The following ZBTB11 variants were observed in gnomAD, a reference collection of about 807,000 sequenced individuals.
The protein encoded by ZBTB11 is zinc finger and BTB domain-containing protein 11.
Under a neutral mutation model 113.1 loss-of-function variants are expected in ZBTB11, and 68 were observed. That is an observed-to-expected ratio of 0.60 (90% confidence interval 0.49 to 0.74). The LOEUF (loss-of-function observed/expected upper bound fraction) is 0.74, where lower values mean the gene tolerates loss of function less well. ZBTB11 is among the 30% of genes least tolerant of loss of function. The pLI, the probability that ZBTB11 is intolerant of heterozygous loss-of-function variation, is 0.00. For missense variants in ZBTB11, 1,104 were observed against 1,279.4 expected, an observed-to-expected ratio of 0.86 and a Z score of 2.09; for synonymous variants, 518 against 452.6, an observed-to-expected ratio of 1.14 and a Z score of -1.83.
At position 101,649,191 on chromosome 3, in the gene ZBTB11, T is replaced by C. The variant is rs1213409657; in HGVS notation, c.*1975A>G. On this transcript the variant is annotated 3_prime_UTR_variant, in exon 11 of 11. Coordinates refer to ENST00000312938, the MANE Select transcript of ZBTB11 (RefSeq NM_014415.4). ...CAACATTTGGGCATGAAAACAGGAA[T>C]GCCTGTTCCCATTTAGGGCCATGGG... is the stretch of plus-strand genomic sequence containing the variant. The C allele has an allele frequency of 5.3e-5, 8 of 152,236 alleles. No homozygotes were observed. Among genetic ancestry groups the C allele is most frequent in the Non-Finnish European group, 1.2e-4 (8 of 68,060 alleles). The allele number at this position is 152,236 out of a possible 1,614,324, so 9.4% of individuals were successfully genotyped here. A position where few individuals can be genotyped will look rare whatever the true frequency, so the allele number is the denominator to read the frequency against.
intron 10 of ZBTB11, among the ~76,000 whole-genome samples, 192 bp from the exon 11 acceptor site, chr3:101,651,875 T>G (rs1199614951): frequency 6.6e-6 from 1 of 152,216 alleles, no homozygotes; most frequent in Non-Finnish European, 1.5e-5. Flanking sequence ...GGCTCACACC[T>G]GTAATCCCAG....
In ZBTB11 at chr3:101,664,684, T is replaced by C. The variant is rs757892018; in HGVS notation, c.1654A>G (p.Lys552Glu). ...GCATCTCTTTTTGGCTGTTTCATCT[T>C]TTTTCCTCTTTGAACTAACTTCTGA... ...VAQKLVQRGK[K>E]MKQPKRDAKE... Residue 552 changes from lysine (K) to glutamate (E), a missense_variant, in exon 5 of 11, where the codon AAG becomes GAG. This residue lies in a region of ZBTB11 where 535 missense variants were observed against 518.6 expected (regional missense o/e 1.03). Transcript: ENST00000312938. 1 of 1,609,924 alleles carries C rather than the reference T, an allele frequency of 6.2e-7. No homozygotes were observed. Among genetic ancestry groups the C allele is most frequent in the Non-Finnish European group, 8.5e-7 (1 of 1,178,946 alleles).
chr3:101,669,041 T>C (rs1035174985), intron 3 of ZBTB11, among the ~76,000 whole-genome samples: 5 of 152,012 alleles, frequency 3.3e-5, no homozygotes, highest in African/African-American at 4.8e-5. Flanking sequence ...TAAAATTTTT[T>C]TTTGTGGCTA....
In ZBTB11 at chr3:101,659,898, T is replaced by A. The variant is rs1230709301; in HGVS notation, c.1931A>T (p.Lys644Met). The A allele has an allele frequency of 6.2e-7, 1 of 1,614,120 alleles. No homozygotes were observed. The highest frequency in any genetic ancestry group is 1.3e-5 in the African/African-American group (1 of 74,950). The change falls in exon 6 of 11, where the codon AAG (lysine) becomes ATG (methionine). Residue 644 changes from lysine (K) to methionine (M), a missense_variant. Transcript: ENST00000312938. ...SNEASGTSSE[K>M]GRTKREFICS... is the part of the protein sequence containing the mutation. Reference sequence around the variant, plus strand: ...TATAAATTCCCGCTTGGTTCTGCCCTTCTCAGATGATGTTCCCGATGCTTC... The same window carrying A: ...TATAAATTCCCGCTTGGTTCTGCCCATCTCAGATGATGTTCCCGATGCTTC...
chr3:101,659,629 A>G (rs1432357877), intron 6 of ZBTB11, among the ~76,000 whole-genome samples, 154 bp downstream of exon 6: 1 of 152,240 alleles, frequency 6.6e-6, no homozygotes, highest in African/African-American at 2.4e-5. Context: ...CACCATAGGG[A>G]ATCACCTTTG....
At chr3:101,659,761 A>G (rs764552471) in intron 6 of ZBTB11, 22 bp downstream of exon 6, 3 of 1,611,236 alleles carry the variant, frequency 1.9e-6, no homozygotes, top group Non-Finnish European at 2.5e-6. Context: ...TTTAAATAGC[A>G]AAATAAACGT....
At position 101,652,680 on chromosome 3, in the gene ZBTB11, G is replaced by C. The variant is rs775663952; in HGVS notation, c.2469-9C>G. On this transcript the variant is annotated splice_polypyrimidine_tract_variant and intron_variant, in intron 9 of 10. Transcript: ENST00000312938. ...TGCCACATATATTACACCTAAAATA[G>C]GGGAAAAGACCCAATTATTTTGTCC... The C allele has an allele frequency of 1.9e-6, 3 of 1,612,802 alleles. No individual in the cohort carries two copies. Among genetic ancestry groups the C allele is most frequent in the East Asian group, 4.5e-5 (2 of 44,860 alleles).
At position 101,651,240 on chromosome 3, in the gene ZBTB11, G is replaced by A; in HGVS notation, c.3088C>T (p.Gln1030Ter). ...VNYVLAQQQG[Q>*]KLSEVAEAIQ... ...GCTTCTGCAACTTCAGATAGCTTCT[G>A]TCCTTGCTGTTGTGCTAATACATAA... Residue 1030 changes from glutamine to a stop codon, truncating the protein, a stop_gained, in exon 11 of 11, where the codon CAG becomes TAG. Coordinates refer to ENST00000312938, the MANE Select transcript of ZBTB11 (RefSeq NM_014415.4). LOFTEE classifies it high-confidence loss of function. 1 of 1,613,756 alleles carries A rather than the reference G, an allele frequency of 6.2e-7. No homozygotes were observed. Among genetic ancestry groups the A allele is most frequent in the Non-Finnish European group, 8.5e-7 (1 of 1,179,922 alleles).
Position 101,665,500 on chromosome 3 carries a change from T to G in ZBTB11, c.1087A>C (p.Ile363Leu). 3 of 1,614,188 alleles carry G rather than the reference T, an allele frequency of 1.9e-6. No individual in the cohort carries two copies. Among genetic ancestry groups the G allele is most frequent in the Non-Finnish European group, 2.5e-6 (3 of 1,180,038 alleles). ...SLPTELGDCE[I>L]VLLVNGELPE... ...AATTCTCCATTTACCAGTAGTACAA[T>G]TTCACAATCCCCAAGTTCAGTAGGT... Residue 363 changes from isoleucine (I) to leucine (L), a missense_variant, in exon 4 of 11, where the codon ATT becomes CTT. Physicochemically the swap from Ile to Leu is conservative, Grantham distance 5. Around this residue, in one of 5 missense-constraint regions of ZBTB11, gnomAD observed 535 missense variants for 518.6 expected, o/e 1.03. Coordinates refer to ENST00000312938, the MANE Select transcript of ZBTB11 (RefSeq NM_014415.4).
intron 1 of ZBTB11, among the ~76,000 whole-genome samples, chr3:101,672,773 C>T (rs1331970467): frequency 2.0e-5 from 3 of 152,190 alleles, no homozygotes; most frequent in South Asian, 4.1e-4. Flanking sequence ...ACTTCTCCAC[C>T]CCAGTGACAT....
intron 1 of ZBTB11, among the ~76,000 whole-genome samples, chr3:101,673,098 T>C (rs1313705747): frequency 6.6e-6 from 1 of 152,248 alleles, no homozygotes; most frequent in Non-Finnish European, 1.5e-5. Context: ...AAGTTGATTA[T>C]ATACAAGCCA....
intron 8 of ZBTB11, among the ~76,000 whole-genome samples, chr3:101,653,246 T>C (rs184185646): frequency 2.6e-4 from 40 of 152,310 alleles, no homozygotes; most frequent in Admixed American, 1.4e-3. Flanking sequence ...TCTTAGTCCA[T>C]GTGTTGAGGG....
In ZBTB11 at chr3:101,671,938, T is replaced by A. The variant is rs755181830; in HGVS notation, c.546+40A>T. 9.4e-6 allele frequency: 14 copies of A among 1,488,110 alleles called. No individual in the cohort carries two copies. In the Middle Eastern group the frequency reaches 2.4e-3, roughly 255 times the overall value. The allele number at this position is 1,488,110 out of a possible 1,614,324, so 92.2% of individuals were successfully genotyped here. A position where few individuals can be genotyped will look rare whatever the true frequency, so the allele number is the denominator to read the frequency against. The stretch of plus-strand genomic sequence containing the variant: ...ACCAAGGCTGCAAATACTAGTACAC[T>A]AGTTACAAATCTTAAAGCTGACTGG... On this transcript the variant is annotated intron_variant, in intron 2 of 10. Coordinates refer to ENST00000312938, the MANE Select transcript of ZBTB11 (RefSeq NM_014415.4).
chr3:101,656,037 G>A, intron 7 of ZBTB11, 67 bp downstream of exon 7: 1 of 1,158,008 alleles, frequency 8.6e-7, no homozygotes. Context: ...ATAATTTCTG[G>A]TATAATTAAA....
At chr3:101,658,101 T>C (rs1040318992) in intron 6 of ZBTB11, among the ~76,000 whole-genome samples, 4 of 152,000 alleles carry the variant, frequency 2.6e-5, no homozygotes, top group Admixed American at 2.0e-4. Context: ...CATAAATCAA[T>C]GAGCAGATAA....
intron 2 of ZBTB11, 26 bp downstream of exon 2, chr3:101,671,952 A>G (rs185600766): frequency 4.4e-6 from 7 of 1,574,598 alleles, no homozygotes; most frequent in Admixed American, 3.3e-5. Context: ...TACAAATCTT[A>G]AAGCTGACTG....
intron 3 of ZBTB11, among the ~76,000 whole-genome samples, chr3:101,667,150 C>T (rs1937010537): frequency 1.3e-5 from 2 of 152,180 alleles, no homozygotes; most frequent in African/African-American, 4.8e-5. Context: ...ACCTCCCAGG[C>T]TCAAGCAGTC....
intron 3 of ZBTB11, among the ~76,000 whole-genome samples, chr3:101,666,024 A>G (rs890280365): frequency 6.7e-6 from 1 of 148,926 alleles, no homozygotes; most frequent in African/African-American, 2.6e-5. Context: ...AAATAGTATC[A>G]GACTTACTAC....
At chr3:101,663,977 T>C (rs1428359549) in intron 5 of ZBTB11, among the ~76,000 whole-genome samples, 1 of 152,260 alleles carries the variant, frequency 6.6e-6, no homozygotes, top group African/African-American at 2.4e-5. Flanking sequence ...TTCCCTGTTT[T>C]GAGTACAGTA....
Sources: allele counts gnomAD v4.1 joint callset (sites outside exome capture counted in the v4.1 genomes callset), GRCh38; gene constraint gnomAD v4.1.1; regional missense constraint gnomAD v4.1.1; transcripts MANE v1.5; gene names NCBI Gene and HGNC (gene_info 2026-07-23, HGNC 2026-07-21).